ASIC2: variants seen among roughly 807,000 people sequenced by gnomAD.
The protein encoded by ASIC2 is acid sensing ion channel subunit 2.
A neutral mutation model predicts 57.3 loss-of-function variants in ASIC2; 25 were observed. That is an observed-to-expected ratio of 0.44 (90% CI 0.32 to 0.61). ASIC2 has a LOEUF of 0.61. Among genes scored for constraint, ASIC2 ranks in the 20% least tolerant of loss-of-function variants. The probability of loss-of-function intolerance (pLI) is 0.06; values close to 1 mark genes in which losing one functional copy is unlikely to be tolerated. For missense variants in ASIC2, 641 were observed against 738.1 expected, an observed-to-expected ratio of 0.87 and a Z score of 1.52; for synonymous variants, 319 against 307.5, an observed-to-expected ratio of 1.04 and a Z score of -0.39.
At chr17:34,037,681 G>C in intron 1 of ASIC2, 1 of 1,613,988 alleles carries the variant, frequency 6.2e-7, no homozygotes. Context: ...CTCCAGCAGG[G>C]CTACTCGTAG....
At chr17:33,353,499 A>AAT (rs1245226323) in intron 1 of ASIC2, among the ~76,000 whole-genome samples, 2 of 152,000 alleles carry the variant, frequency 1.3e-5, no homozygotes, top group African/African-American at 2.4e-5. Context: ...GCACCTGGCT[A>AAT]ATATATATAT....
intron 1 of ASIC2, among the ~76,000 whole-genome samples, chr17:33,443,594 T>C (rs1046907377): frequency 6.7e-6 from 1 of 149,856 alleles, no homozygotes; most frequent in Non-Finnish European, 1.5e-5. Context: ...TTTTTTGTAT[T>C]TTTAGTAGAG....
chr17:34,036,185 T>C (rs1215916234), intron 1 of ASIC2, among the ~76,000 whole-genome samples: 1 of 151,960 alleles, frequency 6.6e-6, no homozygotes, highest in African/African-American at 2.4e-5. Context: ...TGGAATACTA[T>C]GCAGCCATAA....
intron 1 of ASIC2, among the ~76,000 whole-genome samples, chr17:34,015,222 CATCTTT>C (rs1383430620): frequency 6.6e-6 from 1 of 152,048 alleles, no homozygotes; most frequent in East Asian, 1.9e-4. Context: ...CCCCGCTCTT[CATCTTT>C]AAGTCTGGGG....
At chr17:33,496,439 T>C (rs901918152) in intron 1 of ASIC2, among the ~76,000 whole-genome samples, 1 of 152,050 alleles carries the variant, frequency 6.6e-6, no homozygotes, top group Non-Finnish European at 1.5e-5. Flanking sequence ...TCCTGCTATG[T>C]AGCAGTGCTC....
intron 1 of ASIC2, among the ~76,000 whole-genome samples, chr17:33,203,908 C>G (rs1015504461): frequency 6.6e-6 from 1 of 152,192 alleles, no homozygotes; most frequent in Non-Finnish European, 1.5e-5. Context: ...TATTAGATAC[C>G]TATTTCGTCC....
At chr17:33,318,931 T>C (rs1906760918) in intron 1 of ASIC2, among the ~76,000 whole-genome samples, 1 of 152,148 alleles carries the variant, frequency 6.6e-6, no homozygotes, top group African/African-American at 2.4e-5. Flanking sequence ...GGAGCAAAAC[T>C]GGGGCAGCCA....
intron 1 of ASIC2, among the ~76,000 whole-genome samples, chr17:33,372,134 A>G (rs1002665089): frequency 1.4e-4 from 22 of 152,108 alleles, no homozygotes; most frequent in African/African-American, 5.3e-4. Flanking sequence ...GGGCTGAGCC[A>G]GCTCAAATAC....
chr17:33,218,770 G>T (rs1170811765), intron 1 of ASIC2, among the ~76,000 whole-genome samples: 1 of 152,048 alleles, frequency 6.6e-6, no homozygotes, highest in African/African-American at 2.4e-5. Flanking sequence ...CGGTAAATCC[G>T]ATCAGGTTGT....
At chr17:33,187,361 G>A (rs1413355006) in intron 1 of ASIC2, among the ~76,000 whole-genome samples, 1 of 152,184 alleles carries the variant, frequency 6.6e-6, no homozygotes, top group African/African-American at 2.4e-5. Flanking sequence ...TTATTGCAGG[G>A]AAAATGCTTC....
At chr17:34,133,324 G>A (rs1489853793) in intron 1 of ASIC2, among the ~76,000 whole-genome samples, 1 of 152,062 alleles carries the variant, frequency 6.6e-6, no homozygotes, top group Admixed American at 6.5e-5. Flanking sequence ...GTGGGTGGGG[G>A]GCAGAGCCAT....
At chr17:33,924,084 C>T (rs186907620) in intron 1 of ASIC2, among the ~76,000 whole-genome samples, 58 of 152,330 alleles carry the variant, frequency 3.8e-4, no homozygotes, top group East Asian at 7.7e-4. Flanking sequence ...GCTGAAACAT[C>T]TAAGTTTCAG....
intron 1 of ASIC2, among the ~76,000 whole-genome samples, chr17:33,958,816 C>G (rs1479096057): frequency 6.6e-6 from 1 of 152,174 alleles, no homozygotes; most frequent in African/African-American, 2.4e-5. Flanking sequence ...AATTTCTCCC[C>G]AGAAGATGGG....
chr17:33,319,349 T>C (rs1309096006), intron 1 of ASIC2, among the ~76,000 whole-genome samples: 6 of 152,136 alleles, frequency 3.9e-5, no homozygotes, highest in Non-Finnish European at 4.4e-5. Flanking sequence ...CACATCAGGA[T>C]TGGGACACGT....
intron 1 of ASIC2, among the ~76,000 whole-genome samples, chr17:33,150,304 T>C (rs1904730902): frequency 6.6e-6 from 1 of 152,214 alleles, no homozygotes; most frequent in Non-Finnish European, 1.5e-5. Context: ...TCCCACCACC[T>C]GCCCAGTACA....
At chr17:34,022,102 G>C (rs375985320) in intron 1 of ASIC2, among the ~76,000 whole-genome samples, 33 of 152,218 alleles carry the variant, frequency 2.2e-4, no homozygotes, top group African/African-American at 3.1e-4. Flanking sequence ...CTTCCAAAGT[G>C]GGGGGTTGGT....
intron 1 of ASIC2, among the ~76,000 whole-genome samples, chr17:33,814,276 C>T (rs928030573): frequency 6.6e-6 from 1 of 152,168 alleles, no homozygotes; most frequent in South Asian, 2.1e-4. Flanking sequence ...AAAAGCAAAG[C>T]ATAAGTCACA....
chr17:34,013,703 G>A (rs1444797684), intron 1 of ASIC2, among the ~76,000 whole-genome samples: 1 of 152,172 alleles, frequency 6.6e-6, no homozygotes, highest in Non-Finnish European at 1.5e-5. Flanking sequence ...GCTTCTCCAG[G>A]CCACATTGCT....
intron 1 of ASIC2, among the ~76,000 whole-genome samples, chr17:33,642,776 T>C (rs973661954): frequency 3.3e-5 from 5 of 152,230 alleles, no homozygotes; most frequent in Non-Finnish European, 7.3e-5. Flanking sequence ...TTTGGTATAA[T>C]GTGAACCTGA....
Sources: gnomAD v4.1 joint callset for allele counts (sites outside exome capture counted in the v4.1 genomes callset) on GRCh38, gnomAD v4.1.1 for gene constraint, MANE v1.5 for transcripts, NCBI Gene and HGNC (gene_info 2026-07-23, HGNC 2026-07-21) for gene names.